The following STRN3 variants were observed in gnomAD, a reference collection of about 807,000 sequenced individuals.
STRN3 encodes striatin 3.
STRN3 carries 29 observed loss-of-function variants against 95.6 expected under a neutral mutation model. The observed-to-expected ratio is 0.30, with a 90% CI of 0.23 to 0.41. The LOEUF is 0.41. Among genes scored for constraint, STRN3 ranks in the 10% least tolerant of loss-of-function variants. STRN3 has a pLI of 1.00. For missense variants in STRN3, 890 were observed against 972.1 expected, an observed-to-expected ratio of 0.92 and a Z score of 1.12; for synonymous variants, 331 against 357.6, an observed-to-expected ratio of 0.93 and a Z score of 0.84.
chr14:30,980,651 T>A (rs1881349833), intron 1 of STRN3, among the ~76,000 whole-genome samples: 1 of 152,138 alleles, frequency 6.6e-6, no homozygotes, highest in Non-Finnish European at 1.5e-5. Flanking sequence ...TCTGCCCACC[T>A]CGGCCTCCCA....
In STRN3 at chr14:30,966,361, TTTC is replaced by T. The variant is rs138306359; in HGVS notation, c.283-10122_283-10120del. On this transcript the variant is annotated intron_variant, in intron 1 of 17. Coordinates refer to ENST00000357479, the MANE Select transcript of STRN3 (RefSeq NM_001083893.2). The stretch of plus-strand genomic sequence containing the variant: ...AAGAAAATTTTATATCTGAGTGCTA[TTTC>T]TTTTGTGGCACCGAAACTTTACATA... Among the ~76,000 whole-genome samples the T allele has an allele frequency of 9.4e-3, 1,434 of 152,296 alleles. 27 individuals carry two copies. Among genetic ancestry groups the T allele is most frequent in the African/African-American group, 0.031 (1,295 of 41,526 alleles).
rs74727227 is a variant in STRN3 at position 30,978,493 on chromosome 14, G to A, written c.283-22251C>T. Among the ~76,000 whole-genome samples, 32 of 152,268 alleles carry A rather than the reference G, an allele frequency of 2.1e-4. No homozygotes were observed. In the East Asian group the frequency reaches 4.6e-3, roughly 22 times the overall value. Reference sequence around the variant, plus strand: ...TTAATAAAGGATATCTATGAAAAACGTACAGCTAAATATCATATTTAATTA... The same window carrying A: ...TTAATAAAGGATATCTATGAAAAACATACAGCTAAATATCATATTTAATTA... On this transcript the variant is annotated intron_variant, in intron 1 of 17. Coordinates refer to ENST00000357479, the MANE Select transcript of STRN3 (RefSeq NM_001083893.2).
chr14:30,942,964 A>T (rs1172486838), intron 5 of STRN3, among the ~76,000 whole-genome samples: 1 of 152,218 alleles, frequency 6.6e-6, no homozygotes, highest in Non-Finnish European at 1.5e-5. Flanking sequence ...AGTGATGGCT[A>T]GTAACTAGTG....
chr14:30,990,306 G>A (rs1881893379), intron 1 of STRN3, among the ~76,000 whole-genome samples: 1 of 151,518 alleles, frequency 6.6e-6, no homozygotes, highest in Admixed American at 6.6e-5. Context: ...GGGACTATAG[G>A]TGCCCGCCAC....
At position 30,912,182 on chromosome 14, in the gene STRN3, A is replaced by G; in HGVS notation, c.1375T>C (p.Leu459=). ...VTNDADYSYD[L]PANKDAFRKT... ...CGAAAGGCATCTTTATTAGCAGGCA[A>G]CTAAAAGGAAAGAGCACAATATTTA... The change falls in exon 11 of 18, where the codon TTG becomes CTG. Residue 459 remains leucine (L), a splice_region_variant and synonymous_variant. Coordinates refer to ENST00000357479, the MANE Select transcript of STRN3 (RefSeq NM_001083893.2). 6.2e-7 allele frequency: 1 copy of G among 1,610,988 alleles called. No individual in the cohort carries two copies. The highest frequency in any genetic ancestry group is 8.5e-7 in the Non-Finnish European group (1 of 1,179,100).
At chr14:30,912,391 T>C (rs1896633926) in intron 10 of STRN3, 3 of 408,504 alleles carry the variant, frequency 7.3e-6, no homozygotes, top group South Asian at 5.9e-5. Context: ...GCCTTACAAA[T>C]AGCCTAGGTC....
intron 6 of STRN3, 34 bp from the exon 7 acceptor site, chr14:30,935,338 A>C: frequency 1.9e-6 from 3 of 1,600,502 alleles, no homozygotes; most frequent in Non-Finnish European, 2.6e-6. Flanking sequence ...AATTACTTTT[A>C]TCCTAAATGG....
intron 1 of STRN3, among the ~76,000 whole-genome samples, chr14:31,017,495 T>C (rs1883296822): frequency 6.7e-6 from 1 of 148,636 alleles, no homozygotes; most frequent in African/African-American, 2.5e-5. Context: ...CGAGACTCCG[T>C]CTCAAAAAAA....
In STRN3 at chr14:30,975,555, A is replaced by AAAG. The variant is rs1555323062; in HGVS notation, c.283-19316_283-19314dup. Among the ~76,000 whole-genome samples, 158 of 143,288 alleles carry AAAG rather than the reference A, an allele frequency of 1.1e-3. 1 individual carries two copies. Among genetic ancestry groups the AAAG allele is most frequent in the South Asian group, 1.5e-3 (7 of 4,638 alleles). The allele number at this position is 143,288 out of a possible 152,430, so 94.0% of individuals were successfully genotyped here. On this transcript the variant is annotated intron_variant, in intron 1 of 17. Transcript: ENST00000357479. The stretch of plus-strand genomic sequence containing the variant: ...TTCCCCCCTACTGAAAAAAAAAAAA[A>AAAG]AAGAAGAAGAAAGAAAGAGAACGAA...
At chr14:30,906,272 C>G (rs960447052) in intron 14 of STRN3, among the ~76,000 whole-genome samples, 2 of 152,072 alleles carry the variant, frequency 1.3e-5, no homozygotes, top group African/African-American at 4.8e-5. Context: ...TATATATTTA[C>G]TATTCACCTA....
At chr14:31,007,035 A>C (rs141875524) in intron 1 of STRN3, among the ~76,000 whole-genome samples, 147 of 152,348 alleles carry the variant, frequency 9.6e-4, no homozygotes, top group Admixed American at 2.4e-3. Context: ...CAAACTACCA[A>C]TCAAGTGTGA....
intron 1 of STRN3, among the ~76,000 whole-genome samples, chr14:30,956,678 C>G (rs1879921564): frequency 6.6e-6 from 1 of 152,102 alleles, no homozygotes; most frequent in South Asian, 2.1e-4. Flanking sequence ...TCCTTAAGAT[C>G]CCTAATATTA....
chr14:30,961,148 G>A (rs1435538635), intron 1 of STRN3, among the ~76,000 whole-genome samples: 1 of 152,062 alleles, frequency 6.6e-6, no homozygotes, highest in Non-Finnish European at 1.5e-5. Flanking sequence ...CCTATCCCAG[G>A]CTTGTTTTTG....
chr14:30,957,614 A>G lies in STRN3; in HGVS notation c.283-1372T>C, dbSNP rs148101032. Among the ~76,000 whole-genome samples the G allele has an allele frequency of 1.2e-3, 183 of 152,176 alleles. 1 individual carries two copies. The highest frequency in any genetic ancestry group is 4.0e-3 in the African/African-American group (165 of 41,516). On this transcript the variant is annotated intron_variant, in intron 1 of 17. Coordinates refer to ENST00000357479, the MANE Select transcript of STRN3 (RefSeq NM_001083893.2). ...ATATTCCATTACCTCATTGCTTTCT[A>G]TTGTCATTTTTCCACTGTGAGAGAA... is the stretch of plus-strand genomic sequence containing the variant.
At chr14:30,983,290 C>A (rs1881499535) in intron 1 of STRN3, among the ~76,000 whole-genome samples, 1 of 152,202 alleles carries the variant, frequency 6.6e-6, no homozygotes. Context: ...TGCCTGTTAT[C>A]CCAGCACTTT....
At position 30,902,617 on chromosome 14, in the gene STRN3, T is replaced by C. The variant is rs756698007; in HGVS notation, c.2056A>G (p.Arg686Gly). The change falls in exon 16 of 18, where the codon AGA (arginine) becomes GGA (glycine). Residue 686 changes from arginine (R) to glycine (G), a missense_variant. Coordinates refer to ENST00000357479, the MANE Select transcript of STRN3 (RefSeq NM_001083893.2). ...SGLQSNNHIN[R>G]VVSHPTLPVT... ...GGAAGTGTGGGATGACTTACTACTC[T>C]GTTGATATGATTATTAGATTGTAAA... 1.2e-6 allele frequency: 2 copies of C among 1,602,446 alleles called. No individual in the cohort carries two copies. Among genetic ancestry groups the C allele is most frequent in the East Asian group, 4.5e-5 (2 of 44,226 alleles).
chr14:30,911,736 T>C (rs779391605), intron 12 of STRN3, 41 bp downstream of exon 12: 1 of 1,527,590 alleles, frequency 6.5e-7, no homozygotes, highest in South Asian at 1.2e-5. Flanking sequence ...TATTTAACAA[T>C]AATGATGATG....
intron 7 of STRN3, among the ~76,000 whole-genome samples, chr14:30,933,419 C>A (rs1261156045): frequency 6.7e-6 from 1 of 150,340 alleles, no homozygotes; most frequent in Non-Finnish European, 1.5e-5. Flanking sequence ...AAATATTCAT[C>A]TTCACATGTA....
chr14:30,902,646 G>A lies in STRN3; in HGVS notation c.2030-3C>T, dbSNP rs745550877. 3.9e-6 allele frequency: 6 copies of A among 1,540,520 alleles called. No homozygotes were observed. The African/African-American group carries it at 8.3e-5, about 21-fold the overall frequency. ...GATATGATTATTAGATTGTAAACCT[G>A]AAAAATAAAGGAAGACAATAAGTTA... On this transcript the variant is annotated splice_region_variant and splice_polypyrimidine_tract_variant and intron_variant, in intron 15 of 17. Transcript: ENST00000357479.
Sources: gnomAD v4.1 joint callset for allele counts (sites outside exome capture counted in the v4.1 genomes callset) on GRCh38, gnomAD v4.1.1 for gene constraint, MANE v1.5 for transcripts, NCBI Gene and HGNC (gene_info 2026-07-23, HGNC 2026-07-21) for gene names.